SCRIB: variants seen among roughly 807,000 people sequenced by gnomAD.
The protein encoded by SCRIB is scribble planar cell polarity protein.
SCRIB carries 72 observed loss-of-function variants against 170.0 expected under a neutral mutation model. That is an observed-to-expected ratio of 0.42 (90% CI 0.35 to 0.52). The LOEUF (loss-of-function observed/expected upper bound fraction) is 0.52, where lower values mean the gene tolerates loss of function less well. Among genes scored for constraint, SCRIB ranks in the 20% least tolerant of loss-of-function variants. SCRIB has a pLI of 0.02. For missense variants in SCRIB, 2,475 were observed against 2,338.5 expected (o/e 1.06, Z -1.20); for synonymous variants, 1,298 against 1,044.3 (o/e 1.24, Z -4.68).
chr8:143,804,034 G>A lies in SCRIB; in HGVS notation c.3120+12C>T. The A allele has an allele frequency of 6.3e-7, 1 of 1,599,014 alleles. No homozygotes were observed. Among genetic ancestry groups the A allele is most frequent in the Non-Finnish European group, 8.5e-7 (1 of 1,170,318 alleles). On this transcript the variant is annotated intron_variant, in intron 22 of 36. Coordinates refer to ENST00000356994, the MANE Select transcript of SCRIB (RefSeq NM_182706.5). ...GCACCTCTCACAGAACCGCCTGGAT[G>A]GGCCGCCCTACCTTGGAGATGAACA...
At position 143,804,106 on chromosome 8, in the gene SCRIB, T is replaced by G. The variant is rs1038564331; in HGVS notation, c.3060A>C (p.Gly1020=). 6.2e-7 allele frequency: 1 copy of G among 1,612,904 alleles called. No homozygotes were observed. The highest frequency in any genetic ancestry group is 1.3e-5 in the African/African-American group (1 of 75,024). Residue 1020 remains glycine (G), a synonymous_variant, in exon 22 of 37, where the codon GGA becomes GGC. Coordinates refer to ENST00000356994, the MANE Select transcript of SCRIB (RefSeq NM_182706.5). Reference sequence around the variant, plus strand: ...ACGGGTGGCTGGAATGGTCGGAGCCTCCGACAATACTAAGCCCCAGAGGGC... The same window carrying G: ...ACGGGTGGCTGGAATGGTCGGAGCCGCCGACAATACTAAGCCCCAGAGGGC... ...AGGPLGLSIV[G]GSDHSSHPFG...
In SCRIB at chr8:143,804,735, G is replaced by A. The variant is rs1815334386; in HGVS notation, c.2842C>T (p.Arg948Trp). 1 of 1,597,480 alleles carries A rather than the reference G, an allele frequency of 6.3e-7. No homozygotes were observed. The highest frequency in any genetic ancestry group is 8.5e-7 in the Non-Finnish European group (1 of 1,172,426). ...GGAGGAAGAGGGCCCCCAGCCTCCCGCTCCAACAGCAGGGCGATGGTGGGG... is the reference window on the plus strand; with the variant it reads ...GGAGGAAGAGGGCCCCCAGCCTCCCACTCCAACAGCAGGGCGATGGTGGGG... ...ASPTIALLLE[R>W]EAGGPLPPSP... The change falls in exon 21 of 37, where the codon CGG becomes TGG. Residue 948 changes from arginine to tryptophan, a missense_variant. Around this residue, in one of 3 missense-constraint regions of SCRIB, gnomAD observed 1,966 missense variants for 1,742.9 expected, o/e 1.13. Coordinates refer to ENST00000356994, the MANE Select transcript of SCRIB (RefSeq NM_182706.5).
intron 6 of SCRIB, 24 bp from the exon 7 acceptor site, chr8:143,813,128 A>G: frequency 6.4e-7 from 1 of 1,571,320 alleles, no homozygotes; most frequent in Non-Finnish European, 8.6e-7. Flanking sequence ...CAGAGAAAAT[A>G]GTGACTATGA....
intron 15 of SCRIB, among the ~76,000 whole-genome samples, chr8:143,808,208 T>C (rs1815519047): frequency 6.6e-6 from 1 of 151,888 alleles, no homozygotes; most frequent in African/African-American, 2.4e-5. Context: ...CCACAAAGAG[T>C]GGGCAGCCAT....
chr8:143,803,722 G>A lies in SCRIB; in HGVS notation c.3339C>T (p.Ile1113=). 6.3e-7 allele frequency: 1 copy of A among 1,594,608 alleles called. No individual in the cohort carries two copies. The highest frequency in any genetic ancestry group is 8.5e-7 in the Non-Finnish European group (1 of 1,176,438). Residue 1113 remains isoleucine (I), a synonymous_variant, in exon 23 of 37, where the codon ATC becomes ATT. Coordinates refer to ENST00000356994, the MANE Select transcript of SCRIB (RefSeq NM_182706.5). ...IQKAPGERLG[I]SIRGGARGHA... is the part of the protein sequence containing the mutation. Reference sequence around the variant, plus strand: ...GGCCCCTGGCACCCCCGCGGATGCTGATGCCCAGCCTCTCCCCAGGTGCCT... The same window carrying A: ...GGCCCCTGGCACCCCCGCGGATGCTAATGCCCAGCCTCTCCCCAGGTGCCT...
intron 17 of SCRIB, 137 bp from the exon 18 acceptor site, chr8:143,806,621 C>T: frequency 1.4e-6 from 1 of 719,310 alleles, no homozygotes; most frequent in Non-Finnish European, 2.4e-6. Flanking sequence ...GAGCTCTAGC[C>T]ACTGTGGGAT....
Position 143,803,708 on chromosome 8 carries a change from C to G in SCRIB, c.3353G>C (p.Gly1118Ala). The change falls in exon 23 of 37, where the codon GGT (glycine) becomes GCT (alanine). Residue 1118 changes from glycine (G) to alanine (A), a missense_variant. Coordinates refer to ENST00000356994, the MANE Select transcript of SCRIB (RefSeq NM_182706.5). ...GGGGTTGCCAGCGTGGCCCCTGGCA[C>G]CCCCGCGGATGCTGATGCCCAGCCT... ...GERLGISIRG[G>A]ARGHAGNPRD... The G allele has an allele frequency of 6.3e-7, 1 of 1,587,892 alleles. No individual in the cohort carries two copies. Among genetic ancestry groups the G allele is most frequent in the Non-Finnish European group, 8.5e-7 (1 of 1,173,230 alleles).
At chr8:143,808,339 A>G (rs1815526134) in intron 15 of SCRIB, among the ~76,000 whole-genome samples, 1 of 151,890 alleles carries the variant, frequency 6.6e-6, no homozygotes, top group African/African-American at 2.4e-5. Context: ...GACTGAGACC[A>G]ACGCCAGGGC....
In SCRIB at chr8:143,804,623, G is replaced by A. The variant is rs782424547; in HGVS notation, c.2954C>T (p.Pro985Leu). 17 of 1,524,638 alleles carry A rather than the reference G, an allele frequency of 1.1e-5. No homozygotes were observed. Among genetic ancestry groups the A allele is most frequent in the Admixed American group, 8.0e-5 (4 of 49,928 alleles). 94.4% of individuals were successfully genotyped at this position (1,524,638 alleles called of 1,614,324 possible). A position where few individuals can be genotyped will look rare whatever the true frequency, so the allele number is the denominator to read the frequency against. Reference sequence around the variant, plus strand: ...AGCCAGCAGGCTGGGGGCCAGGCTCGGCAACCCAGGCACCCCGGGGGTGGC... The same window carrying A: ...AGCCAGCAGGCTGGGGGCCAGGCTCAGCAACCCAGGCACCCCGGGGGTGGC... ...TTATPGVPGL[P>L]SLAPSLLAAA... Residue 985 changes from proline (P) to leucine (L), a missense_variant, in exon 21 of 37, where the codon CCG becomes CTG. By Grantham distance (98) the Pro-to-Leu change is moderately conservative. Around this residue, in one of 3 missense-constraint regions of SCRIB, gnomAD observed 1,966 missense variants for 1,742.9 expected, o/e 1.13. Transcript: ENST00000356994.
At chr8:143,810,873 C>T in intron 11 of SCRIB, 33 bp downstream of exon 11, 1 of 1,608,976 alleles carries the variant, frequency 6.2e-7, no homozygotes, top group South Asian at 1.1e-5. Flanking sequence ...CTGAGAGCCA[C>T]CCCGCGCTAA....
rs1337191802 is a variant in SCRIB at position 143,810,916 on chromosome 8, T to A, written c.1263A>T (p.Pro421=). The A allele has an allele frequency of 6.2e-7, 1 of 1,611,406 alleles. No individual in the cohort carries two copies. The highest frequency in any genetic ancestry group is 1.7e-5 in the Admixed American group (1 of 60,002). Residue 421 remains proline (P), a synonymous_variant, in exon 11 of 37, where the codon CCA becomes CCT. Coordinates refer to ENST00000356994, the MANE Select transcript of SCRIB (RefSeq NM_182706.5). ...LTCYLLPQQP[P]PSLEDAGQQG... ...TTGCCAACAACCTACCGAGGCTGGGTGGGGGCTGCTGGGGCAGCAAGTAGC... is the reference window on the plus strand; with the variant it reads ...TTGCCAACAACCTACCGAGGCTGGGAGGGGGCTGCTGGGGCAGCAAGTAGC...
rs781924124 is a variant in SCRIB at position 143,804,108 on chromosome 8, C to T, written c.3058G>A (p.Gly1020Arg). Residue 1020 changes from glycine to arginine, a missense_variant, in exon 22 of 37, where the codon GGA (glycine) becomes AGA (arginine). Transcript: ENST00000356994. ...GGGTGGCTGGAATGGTCGGAGCCTC[C>T]GACAATACTAAGCCCCAGAGGGCCC... ...AGGPLGLSIV[G>R]GSDHSSHPFG... 12 of 1,612,768 alleles carry T rather than the reference C, an allele frequency of 7.4e-6. No homozygotes were observed. Among genetic ancestry groups the T allele is most frequent in the South Asian group, 2.2e-5 (2 of 90,948 alleles).
rs996332567 is a variant in SCRIB at position 143,791,717 on chromosome 8, G to C, written c.4719C>G (p.Asp1573Glu). 1 of 1,602,344 alleles carries C rather than the reference G, an allele frequency of 6.2e-7. No individual in the cohort carries two copies. Among genetic ancestry groups the C allele is most frequent in the Admixed American group, 1.7e-5 (1 of 59,696 alleles). ...GRLPLSGKKF[D>E]YRAFAALPSS... ...AAGGCAGGGCCGCAAAGGCCCTGTA[G>C]TCAAACTTCTTTCCAGACAAGGGCT... The change falls in exon 35 of 37, where the codon GAC becomes GAG. Residue 1573 changes from aspartate to glutamate, a missense_variant. Asp to Glu is a conservative substitution (Grantham distance 45). This residue lies in a region of SCRIB where 1,966 missense variants were observed against 1,742.9 expected (regional missense o/e 1.13). Transcript: ENST00000356994.
Position 143,792,870 on chromosome 8 carries a change from G to T in SCRIB, c.4018-3C>A, listed in dbSNP as rs1489363033. ...GCTGCAGGCCCAGGCGTGGGGGGCTGGGGGGAGCGGACCTTGAGGTTTGGC... is the reference window on the plus strand; with the variant it reads ...GCTGCAGGCCCAGGCGTGGGGGGCTTGGGGGAGCGGACCTTGAGGTTTGGC... On this transcript the variant is annotated splice_region_variant and splice_polypyrimidine_tract_variant and intron_variant, in intron 29 of 36. Coordinates refer to ENST00000356994, the MANE Select transcript of SCRIB (RefSeq NM_182706.5). 1.3e-6 allele frequency: 2 copies of T among 1,510,488 alleles called. No homozygotes were observed. Among genetic ancestry groups the T allele is most frequent in the East Asian group, 2.3e-5 (1 of 43,328 alleles). The allele number at this position is 1,510,488 out of a possible 1,614,324, so 93.6% of individuals were successfully genotyped here.
intron 24 of SCRIB, among the ~76,000 whole-genome samples, chr8:143,797,311 G>A (rs1027835025): frequency 6.6e-6 from 1 of 152,226 alleles, no homozygotes; most frequent in Non-Finnish European, 1.5e-5. Flanking sequence ...TTAATGAAAT[G>A]GACTCCCTTG....
intron 24 of SCRIB, 70 bp from the exon 25 acceptor site, chr8:143,795,600 G>A: frequency 7.6e-7 from 1 of 1,316,698 alleles, no homozygotes; most frequent in Non-Finnish European, 1.1e-6. Flanking sequence ...GCAGGCTGGG[G>A]TCCCAGCCCA....
chr8:143,808,493 T>C, intron 15 of SCRIB, 116 bp downstream of exon 15: 2 of 1,300,422 alleles, frequency 1.5e-6, no homozygotes, highest in Non-Finnish European at 2.1e-6. Context: ...GTCCACCACC[T>C]TCTCCGGGTG....
chr8:143,812,969 TGG>T lies in SCRIB; in HGVS notation c.643-10_643-9del. On this transcript the variant is annotated splice_polypyrimidine_tract_variant and intron_variant, in intron 7 of 36. Coordinates refer to ENST00000356994, the MANE Select transcript of SCRIB (RefSeq NM_182706.5). ...CCGCAGGTTCCCGAGCTCCTGCAGG[TGG>T]GCAGAGAGTCAGAGCGCGGATGGGC... The T allele has an allele frequency of 6.2e-7, 1 of 1,612,574 alleles. No homozygotes were observed. The highest frequency in any genetic ancestry group is 1.3e-5 in the African/African-American group (1 of 75,006).
chr8:143,792,591 C>A lies in SCRIB; in HGVS notation c.4222G>T (p.Ala1408Ser). The A allele has an allele frequency of 6.3e-7, 1 of 1,586,708 alleles. No homozygotes were observed. Among genetic ancestry groups the A allele is most frequent in the South Asian group, 1.1e-5 (1 of 88,826 alleles). The change falls in exon 31 of 37, where the codon GCA (alanine) becomes TCA (serine). Residue 1408 changes from alanine to serine, a missense_variant. By Grantham distance (99) the Ala-to-Ser change is moderately conservative. This residue lies in a region of SCRIB where 1,966 missense variants were observed against 1,742.9 expected (regional missense o/e 1.13). Coordinates refer to ENST00000356994, the MANE Select transcript of SCRIB (RefSeq NM_182706.5). ...AGCCTCGCTTCGGCCCCAGCCTCTG[C>A]CGCCTCCCGCAGCATCTGCGCTCTC... ...QKRAQMLREA[A>S]EAGAEARLAL...
Sources: gnomAD v4.1 joint callset for allele counts (sites outside exome capture counted in the v4.1 genomes callset) on GRCh38, gnomAD v4.1.1 for gene constraint, gnomAD v4.1.1 regional missense constraint, MANE v1.5 for transcripts, NCBI Gene and HGNC (gene_info 2026-07-23, HGNC 2026-07-21) for gene names.